The following GLDC variants were observed in gnomAD, a reference collection of about 807,000 sequenced individuals.
GLDC encodes glycine decarboxylase.
Under a neutral mutation model 121.3 loss-of-function variants are expected in GLDC, and 104 were observed. The ratio of observed to expected loss-of-function variants is 0.86; its 90% CI spans 0.73 to 1.01. GLDC has a LOEUF of 1.01. GLDC is among the 50% of genes least tolerant of loss of function. The pLI, the probability that GLDC is intolerant of heterozygous loss-of-function variation, is 0.00. For synonymous variants in GLDC, 546 were observed against 480.6 expected, an observed-to-expected ratio of 1.14 and a Z score of -1.78; for missense variants, 1,429 against 1,306.6, an observed-to-expected ratio of 1.09 and a Z score of -1.44.
chr9:6,633,954 C>G (rs1226550646), intron 2 of GLDC, among the ~76,000 whole-genome samples: 1 of 150,602 alleles, frequency 6.6e-6, no homozygotes, highest in African/African-American at 2.4e-5. Context: ...CTCAGCCTCC[C>G]GAGTAGCTGG....
intron 21 of GLDC, among the ~76,000 whole-genome samples, chr9:6,543,292 C>G (rs1220308124): frequency 3.9e-5 from 6 of 152,078 alleles, no homozygotes; most frequent in African/African-American, 1.2e-4. Context: ...ACAAAATGCC[C>G]TGATTGTGAC....
intron 16 of GLDC, among the ~76,000 whole-genome samples, 171 bp downstream of exon 16, chr9:6,565,183 T>C (rs1348174791): frequency 6.6e-6 from 1 of 152,236 alleles, no homozygotes; most frequent in African/African-American, 2.4e-5. Context: ...TCAAGTGGGA[T>C]GTCTTGGAAG....
intron 22 of GLDC, among the ~76,000 whole-genome samples, chr9:6,538,352 G>A (rs1369027442): frequency 6.6e-6 from 1 of 152,162 alleles, no homozygotes; most frequent in Admixed American, 6.5e-5. Flanking sequence ...CTGATAATTA[G>A]CCTGGAACTG....
chr9:6,578,708 T>G (rs895754804), intron 15 of GLDC, among the ~76,000 whole-genome samples: 1 of 152,000 alleles, frequency 6.6e-6, no homozygotes, highest in Non-Finnish European at 1.5e-5. Flanking sequence ...CTAGGCTAAT[T>G]TTTTTGGAGA....
At chr9:6,622,978 C>T (rs549126016) in intron 2 of GLDC, 9 of 189,434 alleles carry the variant, frequency 4.8e-5, no homozygotes, top group African/African-American at 7.4e-5. Flanking sequence ...GCAGCCACCC[C>T]GTCCGGGAGG....
At chr9:6,632,314 T>A (rs1183841517) in intron 2 of GLDC, among the ~76,000 whole-genome samples, 3 of 152,142 alleles carry the variant, frequency 2.0e-5, no homozygotes, top group African/African-American at 7.2e-5. Context: ...AGAGAAACAT[T>A]TATCAGTGGA....
chr9:6,575,846 G>A (rs1260507331), intron 15 of GLDC, among the ~76,000 whole-genome samples: 2 of 152,212 alleles, frequency 1.3e-5, no homozygotes, highest in Non-Finnish European at 2.9e-5. Context: ...ATGATTTGAA[G>A]AGTGGCAAAG....
intron 21 of GLDC, among the ~76,000 whole-genome samples, chr9:6,550,192 T>C (rs187112532): frequency 2.4e-4 from 37 of 152,350 alleles, no homozygotes; most frequent in African/African-American, 7.9e-4. Flanking sequence ...TCAAGGCATA[T>C]CATAGCACTT....
intron 3 of GLDC, among the ~76,000 whole-genome samples, chr9:6,614,846 A>G (rs1317523599): frequency 6.6e-6 from 1 of 152,226 alleles, no homozygotes; most frequent in Non-Finnish European, 1.5e-5. Context: ...GCTACGTGAT[A>G]TAGCCTATCA....
At position 6,645,433 on chromosome 9, in the gene GLDC, C is replaced by A; in HGVS notation, c.67G>T (p.Ala23Ser). 2 of 1,286,694 alleles carry A rather than the reference C, an allele frequency of 1.6e-6. No homozygotes were observed. The highest frequency in any genetic ancestry group is 2.9e-5 in the South Asian group (1 of 34,702). The allele number at this position is 1,286,694 out of a possible 1,614,324, so 79.7% of individuals were successfully genotyped here. A position where few individuals can be genotyped will look rare whatever the true frequency, so the allele number is the denominator to read the frequency against. ...GRGVGGGRRL[A>S]GGSGPCWAPR... is the part of the protein sequence containing the mutation. The stretch of plus-strand genomic sequence containing the variant: ...GCCCAGCACGGCCCCGATCCCCCAG[C>A]CAGGCGGCGGCCGCCCCCGACCCCG... Residue 23 changes from alanine (A) to serine (S), a missense_variant, in exon 1 of 25, where the codon GCT becomes TCT. Transcript: ENST00000321612.
intron 22 of GLDC, among the ~76,000 whole-genome samples, chr9:6,537,036 T>C: frequency 6.6e-6 from 1 of 151,972 alleles, no homozygotes; most frequent in East Asian, 1.9e-4. Context: ...AAGCATTTTT[T>C]TTTTTTTTTT....
intron 11 of GLDC, chr9:6,591,820 G>A (rs1818380538): frequency 2.9e-6 from 1 of 344,274 alleles, no homozygotes; most frequent in African/African-American, 2.1e-5. Flanking sequence ...CTGACCTCAG[G>A]TGATCTGCCC....
At chr9:6,563,296 G>T (rs1213502726) in intron 16 of GLDC, among the ~76,000 whole-genome samples, 1 of 152,228 alleles carries the variant, frequency 6.6e-6, no homozygotes, top group African/African-American at 2.4e-5. Context: ...GGGGTGGGAA[G>T]CATTACTGCG....
rs145666264 is a variant in GLDC, at chr9:6,604,830, T to C, written c.862-46A>G. On this transcript the variant is annotated intron_variant, in intron 6 of 24. Transcript: ENST00000321612. The stretch of plus-strand genomic sequence containing the variant: ...AAGGAACAAGGTTGCTACCTTTCCC[T>C]GAGAGTAGTGGGAGAGTAGGAAATT... 1.5e-3 allele frequency: 2,221 copies of C among 1,454,370 alleles called. 14 individuals carry two copies. Among genetic ancestry groups the C allele is most frequent in the South Asian group, 1.6e-3 (141 of 87,754 alleles). The allele number at this position is 1,454,370 out of a possible 1,614,324, so 90.1% of individuals were successfully genotyped here.
At chr9:6,546,249 G>C (rs1378831583) in intron 21 of GLDC, among the ~76,000 whole-genome samples, 1 of 151,842 alleles carries the variant, frequency 6.6e-6, no homozygotes, top group Non-Finnish European at 1.5e-5. Flanking sequence ...CTGGAGTGCA[G>C]TGGCACCATT....
At position 6,610,191 on chromosome 9, in the gene GLDC, C is replaced by T. The variant is rs1368757896; in HGVS notation, c.635+1G>A. ...TTCCAGCACTTTGAGAGGCCTCTCA[C>T]CTGTAGCACAGCTGCAGTGCCTCTG... is the stretch of plus-strand genomic sequence containing the variant. On this transcript the variant is annotated splice_donor_variant, in intron 4 of 24. Coordinates refer to ENST00000321612, the MANE Select transcript of GLDC (RefSeq NM_000170.3). LOFTEE classifies it high-confidence loss of function. 7 of 1,608,774 alleles carry T rather than the reference C, an allele frequency of 4.4e-6. No homozygotes were observed. The highest frequency in any genetic ancestry group is 1.1e-5 in the South Asian group (1 of 89,980).
At position 6,620,217 on chromosome 9, in the gene GLDC, G is replaced by A. The variant is rs376578742; in HGVS notation, c.437C>T (p.Thr146Met). ...MGYYNCSVPQ[T>M]ILRNLLENSG... Reference sequence around the variant, plus strand: ...GTTCTCCAGTAAGTTCCGCAAAATCGTCTGTGGCACTGAGCAGTTATAATA... The same window carrying A: ...GTTCTCCAGTAAGTTCCGCAAAATCATCTGTGGCACTGAGCAGTTATAATA... The change falls in exon 3 of 25, where the codon ACG becomes ATG. Residue 146 changes from threonine to methionine, a missense_variant. By Grantham distance (81) the Thr-to-Met change is moderately conservative. Transcript: ENST00000321612. 1.6e-5 allele frequency: 26 copies of A among 1,613,376 alleles called. No homozygotes were observed. The Middle Eastern group carries it at 5.2e-4, about 32-fold the overall frequency.
chr9:6,561,897 A>C (rs2129746594), intron 16 of GLDC, among the ~76,000 whole-genome samples: 1 of 152,316 alleles, frequency 6.6e-6, no homozygotes, highest in South Asian at 2.1e-4. Flanking sequence ...CACTGGTAAA[A>C]TCTAACAACC....
intron 2 of GLDC, among the ~76,000 whole-genome samples, chr9:6,643,811 A>G (rs1819677261): frequency 6.6e-6 from 1 of 151,910 alleles, no homozygotes; most frequent in South Asian, 2.1e-4. Context: ...AGGCAGACGG[A>G]TTGCCTGAGG....
Sources: gnomAD v4.1 joint callset for allele counts (sites outside exome capture counted in the v4.1 genomes callset) on GRCh38, gnomAD v4.1.1 for gene constraint, MANE v1.5 for transcripts, NCBI Gene and HGNC (gene_info 2026-07-23, HGNC 2026-07-21) for gene names.